The following ZNF268 variants were observed in gnomAD, a reference collection of about 807,000 sequenced individuals.
ZNF268 encodes zinc finger protein 3.
ZNF268 carries 20 observed loss-of-function variants against 29.3 expected under a neutral mutation model. The observed-to-expected ratio is 0.68, with a 90% confidence interval of 0.48 to 0.99. The LOEUF (loss-of-function observed/expected upper bound fraction) is 0.99, where lower values mean the gene tolerates loss of function less well. ZNF268 is among the 50% of genes least tolerant of loss of function. The pLI, the probability that ZNF268 is intolerant of heterozygous loss-of-function variation, is 0.00. For synonymous variants in ZNF268, 429 were observed against 376.9 expected (o/e 1.14, Z -1.60); for missense variants, 1,240 against 1,121.6 (o/e 1.11, Z -1.51).
chr12:133,199,917 C>G (rs988794316), intron 5 of ZNF268, among the ~76,000 whole-genome samples: 4 of 151,766 alleles, frequency 2.6e-5, no homozygotes, highest in Non-Finnish European at 5.9e-5. Context: ...CTATTTTATT[C>G]TTCTCTTTTT....
chr12:133,205,893 G>A lies in ZNF268; in HGVS notation c.*1363G>A, dbSNP rs910274158. On this transcript the variant is annotated 3_prime_UTR_variant, in exon 6 of 6. Transcript: ENST00000536435. ...CAGCTGAGGCTCAGAACTGTACATTGTTAATGGGTTTTTCAAGTTCAGAAA... is the reference window on the plus strand; with the variant it reads ...CAGCTGAGGCTCAGAACTGTACATTATTAATGGGTTTTTCAAGTTCAGAAA... The A allele has an allele frequency of 6.6e-6, 1 of 152,204 alleles. No homozygotes were observed. The highest frequency in any genetic ancestry group is 2.4e-5 in the African/African-American group (1 of 41,442). 9.4% of individuals were successfully genotyped at this position (152,204 alleles called of 1,614,324 possible).
intron 5 of ZNF268, among the ~76,000 whole-genome samples, chr12:133,193,089 T>A (rs967097023): frequency 5.9e-5 from 9 of 152,292 alleles, no homozygotes; most frequent in African/African-American, 2.2e-4. Flanking sequence ...ACTTTTTCCC[T>A]TCATGTTCCA....
chr12:133,211,353 G>A lies in ZNF268; in HGVS notation c.*6823G>A, dbSNP rs1483143063. On this transcript the variant is annotated 3_prime_UTR_variant, in exon 6 of 6. Coordinates refer to ENST00000536435, the MANE Select transcript of ZNF268 (RefSeq NM_003415.3). ...TCCCAGCACTTTGGGAGGCCGAGGCGGGCAGATCACCTGAGGTCCGGAGTT... is the reference window on the plus strand; with the variant it reads ...TCCCAGCACTTTGGGAGGCCGAGGCAGGCAGATCACCTGAGGTCCGGAGTT... 17 of 305,120 alleles carry A rather than the reference G, an allele frequency of 5.6e-5. No individual in the cohort carries two copies. Among genetic ancestry groups the A allele is most frequent in the Admixed American group, 5.5e-4 (12 of 21,664 alleles). The allele number at this position is 305,120 out of a possible 1,614,324, so 18.9% of individuals were successfully genotyped here. A position where few individuals can be genotyped will look rare whatever the true frequency, so the allele number is the denominator to read the frequency against.
At chr12:133,183,162 C>T (rs1004916518) in intron 2 of ZNF268, among the ~76,000 whole-genome samples, 3 of 152,190 alleles carry the variant, frequency 2.0e-5, no homozygotes, top group South Asian at 2.1e-4. Context: ...TCGCCGCACC[C>T]GACTGCCCGT....
chr12:133,203,946 T>A lies in ZNF268; in HGVS notation c.2260T>A (p.Cys754Ser). 6.3e-7 allele frequency: 1 copy of A among 1,594,352 alleles called. No homozygotes were observed. Among genetic ancestry groups the A allele is most frequent in the South Asian group, 1.1e-5 (1 of 89,098 alleles). The change falls in exon 6 of 6, where the codon TGC (cysteine) becomes AGC (serine). Residue 754 changes from cysteine to serine, a missense_variant. Coordinates refer to ENST00000536435, the MANE Select transcript of ZNF268 (RefSeq NM_003415.3). ...TCACACAGGAGAAAATCCCTATGAA[T>A]GCAGTGAATGTGGGAAAGCCTTTAA... Reference protein sequence around the residue: ...RIHTGENPYECSECGKAFNRK... With the variant: ...RIHTGENPYESSECGKAFNRK...
chr12:133,196,845 T>A (rs926026705), intron 5 of ZNF268, among the ~76,000 whole-genome samples: 2 of 152,122 alleles, frequency 1.3e-5, no homozygotes, highest in African/African-American at 4.8e-5. Context: ...GAGATAGAAT[T>A]TGATGGTTGT....
At position 133,210,645 on chromosome 12, in the gene ZNF268, G is replaced by A. The variant is rs897133031; in HGVS notation, c.*6115G>A. 4 of 351,174 alleles carry A rather than the reference G, an allele frequency of 1.1e-5. No homozygotes were observed. Among genetic ancestry groups the A allele is most frequent in the South Asian group, 2.1e-5 (1 of 47,508 alleles). 21.8% of individuals were successfully genotyped at this position (351,174 alleles called of 1,614,324 possible). On this transcript the variant is annotated 3_prime_UTR_variant, in exon 6 of 6. Transcript: ENST00000536435. ...CTGGTCATCACTGTGAAGTGCCCTC[G>A]GGGGTCTCCGGGTCCTGAGTAGAAG...
chr12:133,189,650 A>G (rs972151997), intron 3 of ZNF268, among the ~76,000 whole-genome samples: 1 of 152,046 alleles, frequency 6.6e-6, no homozygotes, highest in African/African-American at 2.4e-5. Flanking sequence ...GTTTTTTGGT[A>G]TTTTCTTCAT....
Position 133,212,518 on chromosome 12 carries a change from TAC to T in ZNF268, c.*7994_*7995del, listed in dbSNP as rs376850166. 1,482 of 138,142 alleles carry T rather than the reference TAC, an allele frequency of 0.011. 41 individuals are homozygous for T. Among genetic ancestry groups the T allele is most frequent in the African/African-American group, 0.04 (1,427 of 36,058 alleles). 8.6% of individuals were successfully genotyped at this position (138,142 alleles called of 1,614,324 possible). ...ATATATGTATATATACACACACACATACACACATATATACACATATATATACA... is the reference window on the plus strand; with the variant it reads ...ATATATGTATATATACACACACACATACACATATATACACATATATATACA... On this transcript the variant is annotated 3_prime_UTR_variant, in exon 6 of 6. Transcript: ENST00000536435.
In ZNF268 at chr12:133,208,054, A is replaced by G. The variant is rs1956930797; in HGVS notation, c.*3524A>G. 1.3e-5 allele frequency: 2 copies of G among 152,196 alleles called. No homozygotes were observed. The allele number at this position is 152,196 out of a possible 1,614,324, so 9.4% of individuals were successfully genotyped here. On this transcript the variant is annotated 3_prime_UTR_variant, in exon 6 of 6. Coordinates refer to ENST00000536435, the MANE Select transcript of ZNF268 (RefSeq NM_003415.3). ...GATAAAATAGTAGAAAGATTCCTTT[A>G]AAGTAAAATTAGCCAGGTGCAGTGG...
Position 133,212,552 on chromosome 12 carries a change from CACATATAT to C in ZNF268, c.*8024_*8031del, listed in dbSNP as rs1451979164. 6.8e-6 allele frequency: 1 copy of C among 147,294 alleles called. No individual in the cohort carries two copies. The highest frequency in any genetic ancestry group is 1.5e-5 in the Non-Finnish European group (1 of 66,772). The allele number at this position is 147,294 out of a possible 1,614,324, so 9.1% of individuals were successfully genotyped here. A position where few individuals can be genotyped will look rare whatever the true frequency, so the allele number is the denominator to read the frequency against. On this transcript the variant is annotated 3_prime_UTR_variant, in exon 6 of 6. Transcript: ENST00000536435. ...ATATACACATATATATACACATATA[CACATATAT>C]ATACACATATATATAATAAGAACAT...
rs1956874212 is a variant in ZNF268 at position 133,205,170 on chromosome 12, A to AAAAAAAAAAAAAAAAAAAAAAAAAT, written c.*643_*644insAAAAAAAAAAAAAAAAAAAAATAAA. On this transcript the variant is annotated 3_prime_UTR_variant, in exon 6 of 6. Coordinates refer to ENST00000536435, the MANE Select transcript of ZNF268 (RefSeq NM_003415.3). ...AAAAAAAAAAAAAAAAAAAAAAAAA[A>AAAAAAAAAAAAAAAAAAAAAAAAAT]AAACCAACCTGTTATTATATCTTAA... 1 of 140,566 alleles carries AAAAAAAAAAAAAAAAAAAAAAAAAT rather than the reference A, an allele frequency of 7.1e-6. No homozygotes were observed. The highest frequency in any genetic ancestry group is 1.6e-5 in the Non-Finnish European group (1 of 64,456). The allele number at this position is 140,566 out of a possible 1,614,324, so 8.7% of individuals were successfully genotyped here.
chr12:133,190,546 A>G (rs564863462), intron 3 of ZNF268, among the ~76,000 whole-genome samples: 11 of 152,296 alleles, frequency 7.2e-5, no homozygotes, highest in East Asian at 1.9e-4. Context: ...CCCTAATGAC[A>G]TATGGTATTG....
At chr12:133,189,214 C>CTTT (rs561890644) in intron 3 of ZNF268, among the ~76,000 whole-genome samples, 1 of 129,856 alleles carries the variant, frequency 7.7e-6, no homozygotes, top group Non-Finnish European at 1.6e-5. Flanking sequence ...GTCTTAATTC[C>CTTT]TTTTTTTTTT....
At chr12:133,182,325 C>T (rs1345109797) in intron 2 of ZNF268, among the ~76,000 whole-genome samples, 1 of 152,148 alleles carries the variant, frequency 6.6e-6, no homozygotes, top group East Asian at 1.9e-4. Flanking sequence ...TACTGAGGGC[C>T]TTCTGTATCT....
Position 133,209,958 on chromosome 12 carries a change from T to C in ZNF268, c.*5428T>C, listed in dbSNP as rs1230599893. The C allele has an allele frequency of 1.3e-5, 2 of 152,284 alleles. No individual in the cohort carries two copies. Among genetic ancestry groups the C allele is most frequent in the African/African-American group, 4.8e-5 (2 of 41,478 alleles). The allele number at this position is 152,284 out of a possible 1,614,324, so 9.4% of individuals were successfully genotyped here. A position where few individuals can be genotyped will look rare whatever the true frequency, so the allele number is the denominator to read the frequency against. ...GCAGTGTTTCTCCCTTTTTTTGTAC[T>C]GGGATTTCTCCCCAGAAACAAACCC... On this transcript the variant is annotated 3_prime_UTR_variant, in exon 6 of 6. Coordinates refer to ENST00000536435, the MANE Select transcript of ZNF268 (RefSeq NM_003415.3).
intron 5 of ZNF268, among the ~76,000 whole-genome samples, chr12:133,197,293 T>C (rs1189554358): frequency 2.7e-5 from 4 of 148,756 alleles, no homozygotes; most frequent in African/African-American, 9.9e-5. Context: ...CGGTGTTTGG[T>C]TTTTTGTTCT....
rs984480888 is a variant in ZNF268, at chr12:133,210,971, C to G, written c.*6441C>G. 1.1e-5 allele frequency: 5 copies of G among 455,836 alleles called. No individual in the cohort carries two copies. Among genetic ancestry groups the G allele is most frequent in the African/African-American group, 1.0e-4 (5 of 50,004 alleles). The allele number at this position is 455,836 out of a possible 1,614,324, so 28.2% of individuals were successfully genotyped here. On this transcript the variant is annotated 3_prime_UTR_variant, in exon 6 of 6. Transcript: ENST00000536435. ...GCCCCCTCTTGCAGTCCCAGTGAAC[C>G]CCTGAAATTCAATCTTACGATTTTC... is the stretch of plus-strand genomic sequence containing the variant.
At chr12:133,197,540 T>C (rs1956641644) in intron 5 of ZNF268, among the ~76,000 whole-genome samples, 1 of 152,106 alleles carries the variant, frequency 6.6e-6, no homozygotes, top group Non-Finnish European at 1.5e-5. Context: ...TATAGTCCTT[T>C]GGGTATATAC....
Sources: gnomAD v4.1 joint callset for allele counts (sites outside exome capture counted in the v4.1 genomes callset) on GRCh38, gnomAD v4.1.1 for gene constraint, MANE v1.5 for transcripts, NCBI Gene and HGNC (gene_info 2026-07-23, HGNC 2026-07-21) for gene names.